Variants in PCID2 observed in about 807,000 individuals in gnomAD.
PCID2 encodes the protein PCI domain containing 2.
In PCID2, 41 loss-of-function variants were observed where a neutral mutation model predicts 61.3. The observed-to-expected ratio is 0.67, with a 90% CI of 0.52 to 0.87. PCID2 has a LOEUF of 0.87. PCID2 is among the 40% of genes least tolerant of loss of function. The pLI is 0.00. For missense variants in PCID2, 392 were observed against 493.4 expected (o/e 0.79, Z 1.95); for synonymous variants, 187 against 177.8 (o/e 1.05, Z -0.41).
chr13:113,173,724 G>C (rs1196743588), downstream of PCID2, among the ~76,000 whole-genome samples: 1 of 152,246 alleles, frequency 6.6e-6, no homozygotes, highest in South Asian at 2.1e-4. Context: ...ATTCACTAGG[G>C]TGAATTTTAA....
At chr13:113,178,928 G>A (rs2037360261) in intron 13 of PCID2, 38 bp downstream of exon 13, 4 of 1,587,834 alleles carry the variant, frequency 2.5e-6, no homozygotes, top group Non-Finnish European at 3.4e-6. Flanking sequence ...GAATCTTGCT[G>A]TGAGTAGCTG....
At chr13:113,167,768 A>G in the PCID2 span, among the ~76,000 whole-genome samples, 25 of 152,332 alleles carry the variant, frequency 1.6e-4, no homozygotes, top group African/African-American at 5.3e-4. Flanking sequence ...TGGGGTATTT[A>G]GGCCATTTTA....
intron 4 of PCID2, among the ~76,000 whole-genome samples, chr13:113,196,754 T>C (rs1302720842): frequency 6.6e-6 from 1 of 152,222 alleles, no homozygotes; most frequent in African/African-American, 2.4e-5. Context: ...ATGACTGAAG[T>C]ATGAATTGGT....
At chr13:113,187,921 A>G (rs1307774769) in intron 7 of PCID2, 1 of 152,224 alleles carries the variant, frequency 6.6e-6, no homozygotes, top group East Asian at 1.9e-4. Flanking sequence ...AAAGGTCGTG[A>G]AGATCACTGC....
At chr13:113,174,753 G>C (rs118188641), downstream of PCID2, among the ~76,000 whole-genome samples, 3 of 152,330 alleles carry the variant, frequency 2.0e-5, no homozygotes, top group African/African-American at 7.2e-5. Context: ...CAAAGTGCTG[G>C]TATCATAAAT....
At chr13:113,208,337 C>T (rs1595310241) in intron 1 of PCID2, 10 of 1,432,390 alleles carry the variant, frequency 7.0e-6, no homozygotes, top group African/African-American at 1.4e-5. Flanking sequence ...CCTGGGACCG[C>T]CGCGTCTACT....
intron 1 of PCID2, chr13:113,208,161 C>G (rs1194972273): frequency 1.3e-6 from 2 of 1,594,330 alleles, no homozygotes; most frequent in Non-Finnish European, 1.7e-6. Flanking sequence ...CAGCCTCGCG[C>G]TTACTCCTCC....
chr13:113,171,836 A>G, the PCID2 span: 1 of 1,613,638 alleles, frequency 6.2e-7, no homozygotes, highest in South Asian at 1.1e-5. The surrounding 1 kb of genome is among the most constrained non-coding windows in gnomAD (Gnocchi z 5.1). Flanking sequence ...TGACCTGGGC[A>G]ACTCGCTGAC....
chr13:113,192,783 A>G (rs2038722342), intron 6 of PCID2, among the ~76,000 whole-genome samples: 2 of 152,100 alleles, frequency 1.3e-5, no homozygotes, highest in African/African-American at 4.8e-5. Context: ...TATACTCCAA[A>G]TGGTCTGCTA....
downstream of PCID2, among the ~76,000 whole-genome samples, chr13:113,176,382 T>C (rs1017487563): frequency 4.2e-4 from 3 of 7,102 alleles, no homozygotes; most frequent in Non-Finnish European, 1.3e-3. Context: ...AGTGTGACTG[T>C]ATCTGGAGGT....
rs2038559285 is a variant in PCID2, at chr13:113,190,910, C to T, written c.429G>A (p.Glu143=). 1 of 1,613,608 alleles carries T rather than the reference C, an allele frequency of 6.2e-7. No individual in the cohort carries two copies. The highest frequency in any genetic ancestry group is 1.3e-5 in the African/African-American group (1 of 74,992). The change falls in exon 7 of 14, where the codon GAG becomes GAA. Residue 143 remains glutamate (E), a synonymous_variant. Transcript: ENST00000337344. ...KVGDMLEKAA[E]LLMSCFRVCA... is the part of the protein sequence containing the mutation. The stretch of plus-strand genomic sequence containing the variant: ...AGACCCGGAAACAGCTCATCAGTAA[C>T]TCTGCTGCTTTTTCCAACATGTCCC...
intron 1 of PCID2, among the ~76,000 whole-genome samples, chr13:113,207,291 T>C (rs1332457121): frequency 6.6e-6 from 1 of 152,214 alleles, no homozygotes; most frequent in Non-Finnish European, 1.5e-5. Flanking sequence ...ATAAGCTAAG[T>C]TGTATGTTTT....
the PCID2 span, chr13:113,165,249 T>C: frequency 2.3e-5 from 20 of 877,418 alleles, no homozygotes; most frequent in African/African-American, 3.3e-5. Context: ...CTGACTGCAC[T>C]GACCAACCTC....
Position 113,180,186 on chromosome 13 carries a change from G to GC in PCID2, c.831dup (p.Gln278AlafsTer50), listed in dbSNP as rs751463540. The GC allele has an allele frequency of 1.2e-6, 2 of 1,613,860 alleles. No individual in the cohort carries two copies. Among genetic ancestry groups the GC allele is most frequent in the Non-Finnish European group, 1.7e-6 (2 of 1,179,798 alleles). ...ACAGCTCTGGTTACTTCCGCAAACT[G>GC]CATCAGGTGATACTTTTTCAGGAGC... is the stretch of plus-strand genomic sequence containing the variant. On this transcript the variant is annotated frameshift_variant, in exon 11 of 14. Coordinates refer to ENST00000337344, the MANE Select transcript of PCID2 (RefSeq NM_001127202.4). LOFTEE classifies it high-confidence loss of function.
intron 3 of PCID2, 115 bp downstream of exon 3, chr13:113,198,076 A>C: frequency 1.4e-6 from 1 of 718,378 alleles, no homozygotes; most frequent in Non-Finnish European, 2.4e-6. Flanking sequence ...GCATTTTCCC[A>C]CTTTTTCAAA....
chr13:113,192,853 C>T (rs1326516342), intron 6 of PCID2, among the ~76,000 whole-genome samples: 3 of 152,216 alleles, frequency 2.0e-5, no homozygotes, highest in African/African-American at 4.8e-5. Context: ...CTCAAAGTGA[C>T]GGTGTTTGGA....
chr13:113,208,634 T>TGGGAGCGCCGCCGAACG lies in PCID2; in HGVS notation c.-17_-1dup. 6.2e-7 allele frequency: 1 copy of TGGGAGCGCCGCCGAACG among 1,606,924 alleles called. No homozygotes were observed. The highest frequency in any genetic ancestry group is 1.7e-5 in the Admixed American group (1 of 59,582). On this transcript the variant is annotated 5_prime_UTR_variant, in exon 1 of 14. Transcript: ENST00000337344. ...TACTGGTTAATGGTAATGTGCGCCATGGGAGCGCCGCCGAACGGAGAGCGC... is the reference window on the plus strand; with the variant it reads ...TACTGGTTAATGGTAATGTGCGCCATGGGAGCGCCGCCGAACGGGGAGCGCCGCCGAACGGAGAGCGC...
chr13:113,166,685 C>G, the PCID2 span, among the ~76,000 whole-genome samples: 1 of 152,208 alleles, frequency 6.6e-6, no homozygotes, highest in African/African-American at 2.4e-5. Flanking sequence ...TCCTCTCAAT[C>G]TTTTATCACT....
chr13:113,171,916 G>A, the PCID2 span: 1 of 1,613,774 alleles, frequency 6.2e-7, no homozygotes, highest in South Asian at 1.1e-5. This position sits in a 1 kb window ranked among gnomAD's most constrained non-coding sequence, Gnocchi z 5.1. Flanking sequence ...TCACCACCAG[G>A]ACCTACTGTG....
Sources: gnomAD v4.1 joint callset for allele counts (sites outside exome capture counted in the v4.1 genomes callset) on GRCh38, gnomAD v4.1.1 for gene constraint, Gnocchi (gnomAD v3.1) non-coding constraint, MANE v1.5 for transcripts, NCBI Gene and HGNC (gene_info 2026-07-23, HGNC 2026-07-21) for gene names.